Variants in ELP4 observed in about 807,000 individuals in gnomAD.
The protein encoded by ELP4 is elongator complex protein 4.
In ELP4, 51 loss-of-function variants were observed where a neutral mutation model predicts 48.9. The ratio of observed to expected loss-of-function variants is 1.04; its 90% CI spans 0.83 to 1.32. The LOEUF (loss-of-function observed/expected upper bound fraction) is 1.32, where lower values mean the gene tolerates loss of function less well. Among genes scored for constraint, ELP4 ranks in the 40% most tolerant of loss-of-function variants. ELP4 has a pLI of 0.00. For missense variants in ELP4, 519 were observed against 514.6 expected, an observed-to-expected ratio of 1.01 and a Z score of -0.08; for synonymous variants, 210 against 189.2, an observed-to-expected ratio of 1.11 and a Z score of -0.90.
chr11:31,547,132 A>C (rs1009854278), intron 3 of ELP4, among the ~76,000 whole-genome samples: 4 of 152,150 alleles, frequency 2.6e-5, no homozygotes, highest in African/African-American at 9.7e-5. Context: ...AAATAACTAA[A>C]ATCAGAGCAG....
chr11:31,603,145 A>C lies in ELP4; in HGVS notation c.514-623A>C, dbSNP rs574026172. Among the ~76,000 whole-genome samples, 279 of 151,988 alleles carry C rather than the reference A, an allele frequency of 1.8e-3. 3 individuals carry two copies. The highest frequency in any genetic ancestry group is 3.4e-3 in the Middle Eastern group (1 of 292). On this transcript the variant is annotated intron_variant, in intron 4 of 9. Transcript: ENST00000640961. ...CAATGATTATGCCAGGTTCTGATTG[A>C]TCTAATGTGGGTCATATACATTCTT...
At chr11:31,718,401 T>C (rs1402186886) in intron 9 of ELP4, among the ~76,000 whole-genome samples, 1 of 152,250 alleles carries the variant, frequency 6.6e-6, no homozygotes. Flanking sequence ...CTGGTGATTA[T>C]TGCTGTGTAT....
At chr11:31,658,146 A>C (rs140359240) in intron 9 of ELP4, among the ~76,000 whole-genome samples, 1 of 152,014 alleles carries the variant, frequency 6.6e-6, no homozygotes, top group Non-Finnish European at 1.5e-5. Flanking sequence ...TCTCGTCTTC[A>C]TTACATAAGC....
At chr11:31,618,021 C>G (rs1022544917) in intron 5 of ELP4, among the ~76,000 whole-genome samples, 2 of 152,012 alleles carry the variant, frequency 1.3e-5, no homozygotes, top group South Asian at 2.1e-4. Context: ...GTACAAAAAC[C>G]TGTACATAAA....
intron 3 of ELP4, among the ~76,000 whole-genome samples, chr11:31,555,453 A>G (rs1316196488): frequency 7.2e-5 from 11 of 151,946 alleles, no homozygotes; most frequent in Non-Finnish European, 1.5e-5. Context: ...TTTCTTACAT[A>G]TTTGTTATGG....
chr11:31,549,215 G>C (rs1956791770), intron 3 of ELP4, among the ~76,000 whole-genome samples: 1 of 151,324 alleles, frequency 6.6e-6, no homozygotes, highest in South Asian at 2.1e-4. Context: ...CAAAATGGGA[G>C]AAAATTTTCG....
In ELP4 at chr11:31,692,563, G is replaced by A. The variant is rs561354123; in HGVS notation, c.1143+42342G>A. On this transcript the variant is annotated intron_variant, in intron 9 of 9. Coordinates refer to ENST00000640961, the MANE Select transcript of ELP4 (RefSeq NM_019040.5). ...AAAGTCCTAGCTACCCCAGCACATT[G>A]ACTCTACTTCTTGCTCCATTGCTCA... Among the ~76,000 whole-genome samples the A allele has an allele frequency of 9.2e-5, 14 of 152,256 alleles. 1 individual carries two copies. In the East Asian group the frequency reaches 2.7e-3, roughly 29 times the overall value.
At position 31,789,690 on chromosome 11, in the gene ELP4, A is replaced by G. The variant is rs1291379969; in HGVS notation, c.*6166A>G. 1.4e-6 allele frequency: 1 copy of G among 703,048 alleles called. No homozygotes were observed. The highest frequency in any genetic ancestry group is 2.0e-5 in the Admixed American group (1 of 49,944). 43.6% of individuals were successfully genotyped at this position (703,048 alleles called of 1,614,324 possible). On this transcript the variant is annotated 3_prime_UTR_variant, in exon 10 of 10. Transcript: ENST00000640961. ...GCCCATTTACAAATAATACACCAAA[A>G]TGAATAAAAGTTTGGATACCAAAAT...
intron 9 of ELP4, among the ~76,000 whole-genome samples, chr11:31,694,953 T>C (rs1398333511): frequency 2.6e-5 from 4 of 152,196 alleles, no homozygotes; most frequent in Non-Finnish European, 5.9e-5. Context: ...ATGATTTGGC[T>C]CTCTGTCTGT....
At chr11:31,714,079 A>G (rs78174119) in intron 9 of ELP4, among the ~76,000 whole-genome samples, 2,345 of 152,256 alleles carry the variant, frequency 0.015, 36 homozygotes, top group Non-Finnish European at 0.023. Context: ...TGGTATAGAA[A>G]AGACCAGCAC....
chr11:31,787,111 AAG>A lies in ELP4; in HGVS notation c.*3592_*3593del. The A allele has an allele frequency of 4.3e-6, 1 of 232,248 alleles. No individual in the cohort carries two copies. Among genetic ancestry groups the A allele is most frequent in the Non-Finnish European group, 8.5e-6 (1 of 117,382 alleles). 14.4% of individuals were successfully genotyped at this position (232,248 alleles called of 1,614,324 possible). A position where few individuals can be genotyped will look rare whatever the true frequency, so the allele number is the denominator to read the frequency against. On this transcript the variant is annotated 3_prime_UTR_variant, in exon 10 of 10. Coordinates refer to ENST00000640961, the MANE Select transcript of ELP4 (RefSeq NM_019040.5). The stretch of plus-strand genomic sequence containing the variant: ...ACACAGAGCCTGCCATGCTGTCCCC[AAG>A]AGAGTGCCTGGAGCTCTGTTTGGAA...
intron 3 of ELP4, among the ~76,000 whole-genome samples, chr11:31,550,760 C>T (rs1264842682): frequency 2.0e-5 from 3 of 152,110 alleles, no homozygotes; most frequent in African/African-American, 7.2e-5. Flanking sequence ...ATTTCCCAGA[C>T]ATTTTTTTCT....
intron 9 of ELP4, among the ~76,000 whole-genome samples, chr11:31,773,154 G>A (rs1315057048): frequency 6.6e-6 from 1 of 152,218 alleles, no homozygotes; most frequent in South Asian, 2.1e-4. Context: ...GACCAGGCTT[G>A]GGGTTTCTTT....
In ELP4 at chr11:31,591,585, A is replaced by AAAT. The variant is rs1191524060; in HGVS notation, c.382-3170_382-3168dup. 6.6e-5 allele frequency among the ~76,000 whole-genome samples: 10 copies of AAAT among 152,184 alleles called. No homozygotes were observed. The South Asian group carries it at 8.3e-4, about 13-fold the overall frequency. ...CATCCCCACTAGGGTAGCTATTTAA[A>AAAT]AATAATAATAATAATAACAACAATT... On this transcript the variant is annotated intron_variant, in intron 3 of 9. Coordinates refer to ENST00000640961, the MANE Select transcript of ELP4 (RefSeq NM_019040.5).
intron 9 of ELP4, among the ~76,000 whole-genome samples, chr11:31,736,431 C>G (rs1395858815): frequency 6.6e-6 from 1 of 152,092 alleles, no homozygotes; most frequent in South Asian, 2.1e-4. Context: ...GACTTCATGT[C>G]TAAAACACCA....
At chr11:31,587,730 C>A (rs1374999901) in intron 3 of ELP4, among the ~76,000 whole-genome samples, 2 of 151,966 alleles carry the variant, frequency 1.3e-5, no homozygotes, top group East Asian at 3.9e-4. Flanking sequence ...TAAGTGTAAA[C>A]TGGAAATGTT....
intron 9 of ELP4, among the ~76,000 whole-genome samples, chr11:31,665,802 GC>G (rs1359366644): frequency 6.7e-6 from 1 of 150,286 alleles, no homozygotes; most frequent in South Asian, 2.1e-4. Flanking sequence ...CTACAGGCAT[GC>G]GCCACCATGC....
intron 9 of ELP4, among the ~76,000 whole-genome samples, chr11:31,732,469 T>TAAAAAAA (rs34416979): frequency 7.3e-6 from 1 of 136,628 alleles, no homozygotes; most frequent in African/African-American, 2.7e-5. Context: ...AGCATGTCAC[T>TAAAAAAA]AAAAAAAAAA....
chr11:31,623,778 A>G (rs1039690144), intron 5 of ELP4, among the ~76,000 whole-genome samples: 2 of 151,270 alleles, frequency 1.3e-5, no homozygotes, highest in African/African-American at 4.8e-5. Flanking sequence ...AAAAAAACCT[A>G]TGGAATGGGG....
Sources: allele counts gnomAD v4.1 joint callset (sites outside exome capture counted in the v4.1 genomes callset), GRCh38; gene constraint gnomAD v4.1.1; transcripts MANE v1.5; gene names NCBI Gene and HGNC (gene_info 2026-07-23, HGNC 2026-07-21).